The following CTNNA3 variants were observed in gnomAD, a reference collection of about 807,000 sequenced individuals.
CTNNA3 encodes catenin alpha-3.
Under a neutral mutation model 95.7 loss-of-function variants are expected in CTNNA3, and 76 were observed. The observed-to-expected ratio is 0.79, with a 90% CI of 0.66 to 0.96. CTNNA3 has a LOEUF of 0.96. Among genes scored for constraint, CTNNA3 ranks in the 40% least tolerant of loss-of-function variants. CTNNA3 has a pLI of 0.00. For missense variants in CTNNA3, 1,191 were observed against 1,089.8 expected (o/e 1.09, Z -1.31); for synonymous variants, 431 against 374.4 (o/e 1.15, Z -1.74).
At chr10:67,059,950 T>C (rs766789704) in intron 7 of CTNNA3, among the ~76,000 whole-genome samples, 1 of 152,180 alleles carries the variant, frequency 6.6e-6, no homozygotes, top group Non-Finnish European at 1.5e-5. Flanking sequence ...TCTAAGATTC[T>C]ACAAATATGT....
At chr10:66,929,578 C>T (rs796587776) in intron 7 of CTNNA3, among the ~76,000 whole-genome samples, 2 of 152,276 alleles carry the variant, frequency 1.3e-5, no homozygotes, top group African/African-American at 4.8e-5. Flanking sequence ...AAAAGGACGA[C>T]TTTGATAACA....
intron 6 of CTNNA3, among the ~76,000 whole-genome samples, chr10:67,206,992 G>A (rs1256874926): frequency 2.6e-5 from 4 of 152,100 alleles, no homozygotes; most frequent in Admixed American, 6.6e-5. Flanking sequence ...TTAGCTGGGC[G>A]TGGTGGCAGG....
At chr10:67,672,481 T>C (rs1409750774) in intron 1 of CTNNA3, among the ~76,000 whole-genome samples, 1 of 152,230 alleles carries the variant, frequency 6.6e-6, no homozygotes, top group Non-Finnish European at 1.5e-5. Flanking sequence ...TCTAGGGTTT[T>C]TATGGTTTTA....
intron 1 of CTNNA3, among the ~76,000 whole-genome samples, chr10:67,662,856 A>G (rs74142885): frequency 1.3e-3 from 197 of 152,320 alleles, no homozygotes; most frequent in African/African-American, 4.3e-3. Flanking sequence ...TATGGTATAT[A>G]TAAGTTATTT....
intron 7 of CTNNA3, among the ~76,000 whole-genome samples, chr10:66,800,295 T>C (rs1194881750): frequency 6.6e-6 from 1 of 151,392 alleles, no homozygotes; most frequent in East Asian, 1.9e-4. Context: ...AGAACTCTTT[T>C]GATAAATTAA....
chr10:67,506,271 C>G (rs1244817063), intron 5 of CTNNA3, among the ~76,000 whole-genome samples: 6 of 152,162 alleles, frequency 3.9e-5, no homozygotes, highest in Non-Finnish European at 2.9e-5. Flanking sequence ...CAACACTACT[C>G]CATCTTCTGG....
chr10:67,692,065 G>A (rs1316498322), intron 1 of CTNNA3, among the ~76,000 whole-genome samples: 4 of 147,002 alleles, frequency 2.7e-5, no homozygotes, highest in Non-Finnish European at 6.0e-5. Flanking sequence ...CCGGGAGGGA[G>A]GTGGGGGGGT....
At chr10:66,607,111 C>A (rs1844152323) in intron 10 of CTNNA3, among the ~76,000 whole-genome samples, 1 of 151,944 alleles carries the variant, frequency 6.6e-6, no homozygotes, top group Non-Finnish European at 1.5e-5. Flanking sequence ...ACTGCTGACC[C>A]CACAGAAATA....
chr10:67,319,529 A>C (rs1459256037), intron 5 of CTNNA3, among the ~76,000 whole-genome samples: 2 of 152,138 alleles, frequency 1.3e-5, no homozygotes, highest in East Asian at 3.9e-4. Context: ...GAGCTCCCTA[A>C]AAAAAGTGCT....
intron 11 of CTNNA3, among the ~76,000 whole-genome samples, chr10:66,468,704 G>A (rs2135700): frequency 0.21 from 32,056 of 151,590 alleles, 6,396 homozygotes; most frequent in East Asian, 0.81. Flanking sequence ...CAATGTATAC[G>A]TATATCAAAC....
intron 7 of CTNNA3, among the ~76,000 whole-genome samples, chr10:66,868,447 G>A (rs1844270899): frequency 6.6e-6 from 1 of 151,308 alleles, no homozygotes; most frequent in African/African-American, 2.4e-5. Flanking sequence ...TGGGCTCTGT[G>A]TGTTGACATA....
chr10:66,321,309 TTC>T (rs2092181927), intron 12 of CTNNA3, among the ~76,000 whole-genome samples: 1 of 152,144 alleles, frequency 6.6e-6, no homozygotes, highest in African/African-American at 2.4e-5. Flanking sequence ...AGATTGTCCA[TTC>T]TATTAAGTTA....
At chr10:66,269,423 TA>T (rs2091229557) in intron 13 of CTNNA3, among the ~76,000 whole-genome samples, 1 of 152,160 alleles carries the variant, frequency 6.6e-6, no homozygotes. Context: ...AGAAGATATA[TA>T]AAAATCCCTG....
chr10:66,219,090 T>G (rs1402372378), intron 13 of CTNNA3, among the ~76,000 whole-genome samples: 1 of 152,154 alleles, frequency 6.6e-6, no homozygotes, highest in Non-Finnish European at 1.5e-5. Flanking sequence ...GGTCTATAAA[T>G]CAAGATAAAC....
intron 10 of CTNNA3, among the ~76,000 whole-genome samples, chr10:66,526,949 A>G (rs1270731097): frequency 1.3e-5 from 2 of 152,032 alleles, no homozygotes; most frequent in African/African-American, 4.8e-5. Flanking sequence ...ATTTTGATGA[A>G]GTCCAATTTT....
chr10:67,218,640 C>T (rs934193133), intron 6 of CTNNA3, among the ~76,000 whole-genome samples: 6 of 152,230 alleles, frequency 3.9e-5, no homozygotes, highest in Non-Finnish European at 5.9e-5. Flanking sequence ...ATGACTCCTT[C>T]CTTTCATTCA....
At position 67,344,664 on chromosome 10, in the gene CTNNA3, C is replaced by T. The variant is rs186957700; in HGVS notation, c.580-124794G>A. Among the ~76,000 whole-genome samples, 1,228 of 152,078 alleles carry T rather than the reference C, an allele frequency of 8.1e-3. 26 individuals carry two copies. The highest frequency in any genetic ancestry group is 0.028 in the African/African-American group (1,161 of 41,520). On this transcript the variant is annotated intron_variant, in intron 5 of 17. Coordinates refer to ENST00000433211, the MANE Select transcript of CTNNA3 (RefSeq NM_013266.4). Reference sequence around the variant, plus strand: ...TTGCTCATAGTAGCCACTAATGATCCTTTGAATTTCTGTGGTATCAGTTGT... The same window carrying T: ...TTGCTCATAGTAGCCACTAATGATCTTTTGAATTTCTGTGGTATCAGTTGT...
At chr10:66,093,591 T>C (rs2081288623) in intron 14 of CTNNA3, among the ~76,000 whole-genome samples, 1 of 151,954 alleles carries the variant, frequency 6.6e-6, no homozygotes, top group Admixed American at 6.6e-5. Context: ...ATAAAAAGGA[T>C]TGAGGTTCTA....
At chr10:67,230,727 G>A (rs1183446268) in intron 5 of CTNNA3, among the ~76,000 whole-genome samples, 1 of 152,226 alleles carries the variant, frequency 6.6e-6, no homozygotes, top group Non-Finnish European at 1.5e-5. Context: ...GAGCGACGCA[G>A]AAGACAGGTG....
Sources: gnomAD v4.1 joint callset for allele counts (sites outside exome capture counted in the v4.1 genomes callset) on GRCh38, gnomAD v4.1.1 for gene constraint, MANE v1.5 for transcripts, NCBI Gene and HGNC (gene_info 2026-07-23, HGNC 2026-07-21) for gene names.